Variants in CALB2 observed in about 807,000 individuals in gnomAD.
CALB2 encodes the protein calretinin.
In CALB2, 34 loss-of-function variants were observed where a neutral mutation model predicts 45.9. The observed-to-expected ratio is 0.74, with a 90% CI of 0.56 to 0.99. The LOEUF (loss-of-function observed/expected upper bound fraction) is 0.99. CALB2 is among the 50% of genes least tolerant of loss of function. The pLI, the probability that CALB2 is intolerant of heterozygous loss-of-function variation, is 0.00. For synonymous variants in CALB2, 142 were observed against 129.6 expected (o/e 1.10, Z -0.65); for missense variants, 344 against 339.3 (o/e 1.01, Z -0.11).
At chr16:71,387,115 C>A (rs1384086040) in intron 10 of CALB2, among the ~76,000 whole-genome samples, 1 of 152,216 alleles carries the variant, frequency 6.6e-6, no homozygotes, top group African/African-American at 2.4e-5. Context: ...GAGACTCTGT[C>A]TTATACCTGA....
intron 2 of CALB2, among the ~76,000 whole-genome samples, chr16:71,373,585 A>G (rs1030467446): frequency 2.0e-5 from 3 of 152,190 alleles, no homozygotes; most frequent in Non-Finnish European, 4.4e-5. Context: ...AACAATCCCA[A>G]CTGATGCCAT....
At chr16:71,387,955 A>G (rs1174022107) in intron 10 of CALB2, among the ~76,000 whole-genome samples, 2 of 152,152 alleles carry the variant, frequency 1.3e-5, no homozygotes, top group South Asian at 2.1e-4. Context: ...GGAAAAAAAG[A>G]CTGGCCCTTG....
intron 1 of CALB2, among the ~76,000 whole-genome samples, chr16:71,359,504 C>T (rs1198114472): frequency 1.3e-5 from 2 of 152,186 alleles, no homozygotes; most frequent in African/African-American, 4.8e-5. Context: ...CGTTGGGGTG[C>T]CAGTCCCAGA....
chr16:71,375,435 G>A (rs1461020855), intron 3 of CALB2, among the ~76,000 whole-genome samples: 2 of 152,118 alleles, frequency 1.3e-5, no homozygotes, highest in African/African-American at 2.4e-5. Flanking sequence ...GCCGGACTCC[G>A]TGGCCCATGT....
chr16:71,389,629 C>G, intron 10 of CALB2, 120 bp from the exon 11 acceptor site: 1 of 794,352 alleles, frequency 1.3e-6, no homozygotes, highest in Non-Finnish European at 2.2e-6. Context: ...ATCTAAGCCA[C>G]TTATCCTGGG....
chr16:71,367,268 A>C (rs1383483166), intron 1 of CALB2, among the ~76,000 whole-genome samples: 1 of 152,222 alleles, frequency 6.6e-6, no homozygotes, highest in Admixed American at 6.5e-5. Flanking sequence ...AGAAGTTAGA[A>C]GTGATGGTTG....
chr16:71,358,864 A>G lies in CALB2; in HGVS notation c.72A>G (p.Ile24Met), dbSNP rs1048009705. Residue 24 changes from isoleucine (I) to methionine (M), a missense_variant, in exon 1 of 11, where the codon ATA becomes ATG. Ile to Met is a conservative substitution (Grantham distance 10). Coordinates refer to ENST00000302628, the MANE Select transcript of CALB2 (RefSeq NM_001740.5). ...TGACGGCGTCCCAGTTCCTGGAAAT[A>G]TGGAAGCACTTTGACGCAGACGGTC... ...AELTASQFLE[I>M]WKHFDADGNG... is the part of the protein sequence containing the mutation. The G allele has an allele frequency of 1.2e-6, 2 of 1,613,224 alleles. No individual in the cohort carries two copies. The highest frequency in any genetic ancestry group is 1.7e-6 in the Non-Finnish European group (2 of 1,179,832).
At chr16:71,358,924 C>G (rs750207842) in intron 1 of CALB2, 38 bp downstream of exon 1, 1 of 1,570,956 alleles carries the variant, frequency 6.4e-7, no homozygotes, top group African/African-American at 1.3e-5. Flanking sequence ...CATTGGCACC[C>G]AGGGGACCTG....
chr16:71,370,225 C>A (rs1006169275), intron 1 of CALB2, among the ~76,000 whole-genome samples: 21 of 152,158 alleles, frequency 1.4e-4, no homozygotes, highest in Non-Finnish European at 2.8e-4. Context: ...AATTTAAATT[C>A]TCAGGGGGCC....
rs1555524411 is a variant in CALB2 at position 71,358,757 on chromosome 16, G to T, written c.-36G>T. On this transcript the variant is annotated 5_prime_UTR_variant, in exon 1 of 11. Coordinates refer to ENST00000302628, the MANE Select transcript of CALB2 (RefSeq NM_001740.5). ...GCCAGAGCCCAGCCGGCGCGGAGCGGGAGCGGTGCAGGCTGAGGTCTCCGA... is the reference window on the plus strand; with the variant it reads ...GCCAGAGCCCAGCCGGCGCGGAGCGTGAGCGGTGCAGGCTGAGGTCTCCGA... 1 of 1,539,434 alleles carries T rather than the reference G, an allele frequency of 6.5e-7. No individual in the cohort carries two copies. Among genetic ancestry groups the T allele is most frequent in the South Asian group, 1.2e-5 (1 of 85,816 alleles).
rs1204446354 is a variant in CALB2 at position 71,358,749 on chromosome 16, G to A, written c.-44G>A. 1.3e-6 allele frequency: 2 copies of A among 1,492,878 alleles called. No homozygotes were observed. Among genetic ancestry groups the A allele is most frequent in the Admixed American group, 1.9e-5 (1 of 53,104 alleles). The allele number at this position is 1,492,878 out of a possible 1,614,324, so 92.5% of individuals were successfully genotyped here. On this transcript the variant is annotated 5_prime_UTR_variant, in exon 1 of 11. Coordinates refer to ENST00000302628, the MANE Select transcript of CALB2 (RefSeq NM_001740.5). ...GCGCGAGTGCCAGAGCCCAGCCGGC[G>A]CGGAGCGGGAGCGGTGCAGGCTGAG...
chr16:71,386,360 C>T (rs1186709450), intron 10 of CALB2, among the ~76,000 whole-genome samples: 3 of 152,094 alleles, frequency 2.0e-5, no homozygotes, highest in Non-Finnish European at 2.9e-5. Context: ...AAAACACTTT[C>T]CACACAAAGA....
In CALB2 at chr16:71,384,970, T is replaced by C. The variant is rs942654583; in HGVS notation, c.627+134T>C. On this transcript the variant is annotated intron_variant, in intron 9 of 10. Coordinates refer to ENST00000302628, the MANE Select transcript of CALB2 (RefSeq NM_001740.5). ...CGTGTGGTTTCTTCCTGCCGCATCT[T>C]CTGCTGTATGAGAAGGCAAATGTCA... The C allele has an allele frequency of 6.7e-6, 5 of 747,444 alleles. No homozygotes were observed. The African/African-American group carries it at 8.7e-5, about 13-fold the overall frequency. 46.3% of individuals were successfully genotyped at this position (747,444 alleles called of 1,614,324 possible).
At chr16:71,384,151 G>C in intron 7 of CALB2, 126 bp downstream of exon 7, 2 of 1,150,836 alleles carry the variant, frequency 1.7e-6, no homozygotes, top group African/African-American at 1.5e-5. Context: ...GACAAAGCAA[G>C]ATAGAATTGT....
At chr16:71,367,483 G>T (rs540492251) in intron 1 of CALB2, among the ~76,000 whole-genome samples, 2 of 152,282 alleles carry the variant, frequency 1.3e-5, no homozygotes, top group African/African-American at 4.8e-5. Flanking sequence ...GATGGATGGG[G>T]AGTTGCTTTG....
intron 1 of CALB2, among the ~76,000 whole-genome samples, chr16:71,366,024 CTTTTT>C (rs1171021532): frequency 1.3e-4 from 6 of 45,064 alleles, no homozygotes; most frequent in African/African-American, 5.8e-4. Flanking sequence ...CTCTCTCTCT[CTTTTT>C]TTTTTTTTTT....
Position 71,389,945 on chromosome 16 carries a change from C to T in CALB2, c.*80C>T, listed in dbSNP as rs1014017965. ...GATGCGTCTACCCAGACTCAGAGAC[C>T]GTGAGCGCCCCGCCCCCACCCCTAC... On this transcript the variant is annotated 3_prime_UTR_variant, in exon 11 of 11. Coordinates refer to ENST00000302628, the MANE Select transcript of CALB2 (RefSeq NM_001740.5). 48 of 915,120 alleles carry T rather than the reference C, an allele frequency of 5.2e-5. No homozygotes were observed. Among genetic ancestry groups the T allele is most frequent in the Non-Finnish European group, 8.0e-5 (45 of 563,854 alleles). The allele number at this position is 915,120 out of a possible 1,614,324, so 56.7% of individuals were successfully genotyped here.
At chr16:71,359,038 G>C in intron 1 of CALB2, 152 bp downstream of exon 1, 1 of 666,570 alleles carries the variant, frequency 1.5e-6, no homozygotes, top group Non-Finnish European at 2.7e-6. Context: ...CCCGGGTTTG[G>C]GAGACATCCG....
intron 4 of CALB2, 55 bp from the exon 5 acceptor site, chr16:71,382,664 G>A (rs1480919909): frequency 5.1e-6 from 8 of 1,569,840 alleles, no homozygotes; most frequent in Non-Finnish European, 5.2e-6. Context: ...ATGGAAGGGA[G>A]GTGGGTAGAT....
Sources: allele counts gnomAD v4.1 joint callset (sites outside exome capture counted in the v4.1 genomes callset), GRCh38; gene constraint gnomAD v4.1.1; transcripts MANE v1.5; gene names NCBI Gene and HGNC (gene_info 2026-07-23, HGNC 2026-07-21).